The following ZBTB40 variants were observed in gnomAD, a reference collection of about 807,000 sequenced individuals.
ZBTB40 encodes the protein zinc finger and BTB domain containing 40.
Under a neutral mutation model 117.5 loss-of-function variants are expected in ZBTB40, and 60 were observed. The observed-to-expected ratio is 0.51, with a 90% CI of 0.41 to 0.63. The LOEUF is 0.63. Ranked by LOEUF, ZBTB40 falls within the 30% of genes least tolerant of loss-of-function variation. ZBTB40 has a pLI of 0.00. For missense variants in ZBTB40, 1,287 were observed against 1,498.5 expected (o/e 0.86, Z 2.33); for synonymous variants, 525 against 577.1 (o/e 0.91, Z 1.29).
At chr1:22,505,135 G>T (rs1041139819) in intron 5 of ZBTB40, among the ~76,000 whole-genome samples, 5 of 152,014 alleles carry the variant, frequency 3.3e-5, no homozygotes, top group African/African-American at 1.2e-4. Flanking sequence ...GCAGCCTCTG[G>T]CATACTACCA....
At chr1:22,438,889 A>T (rs1238040064) in intron 1 of ZBTB40, among the ~76,000 whole-genome samples, 1 of 151,562 alleles carries the variant, frequency 6.6e-6, no homozygotes, top group Non-Finnish European at 1.5e-5. Context: ...ATTTTTTGAG[A>T]CAGAGTCTTG....
chr1:22,500,288 A>C (rs1341339165), intron 3 of ZBTB40, among the ~76,000 whole-genome samples: 1 of 152,164 alleles, frequency 6.6e-6, no homozygotes, highest in East Asian at 1.9e-4. Context: ...AGTCAAGATG[A>C]TGAGTTTGGT....
intron 1 of ZBTB40, among the ~76,000 whole-genome samples, chr1:22,433,350 G>A (rs765165744): frequency 2.8e-4 from 40 of 141,296 alleles, no homozygotes; most frequent in African/African-American, 9.8e-4. Context: ...GGAGAATGGC[G>A]TGAACCCAGG....
intron 1 of ZBTB40, among the ~76,000 whole-genome samples, chr1:22,431,440 T>C (rs1640588780): frequency 6.8e-6 from 1 of 147,198 alleles, no homozygotes; most frequent in South Asian, 2.1e-4. Context: ...ACGTCCTCAG[T>C]GTAAAGATCT....
At chr1:22,443,880 T>C (rs536144456) in intron 1 of ZBTB40, among the ~76,000 whole-genome samples, 1 of 152,260 alleles carries the variant, frequency 6.6e-6, no homozygotes, top group African/African-American at 2.4e-5. Context: ...ATGTTAATGC[T>C]GATCAGTAGT....
chr1:22,455,801 C>T (rs556628765), intron 1 of ZBTB40, among the ~76,000 whole-genome samples: 2 of 151,936 alleles, frequency 1.3e-5, no homozygotes, highest in South Asian at 4.1e-4. Context: ...GCAACACTCA[C>T]CTGCTTTTGG....
At chr1:22,448,560 A>C (rs1173852390), upstream of ZBTB40, among the ~76,000 whole-genome samples, 1 of 152,138 alleles carries the variant, frequency 6.6e-6, no homozygotes, top group African/African-American at 2.4e-5. Context: ...CTGCAGTCAG[A>C]CCTCCTAGGT....
chr1:22,490,919 G>A (rs1476037909), intron 2 of ZBTB40, among the ~76,000 whole-genome samples: 10 of 152,164 alleles, frequency 6.6e-5, no homozygotes, highest in South Asian at 2.1e-4. Context: ...CTCTCGAGAC[G>A]GAGTCTTGTT....
chr1:22,469,852 A>G (rs1335033849), intron 1 of ZBTB40, among the ~76,000 whole-genome samples: 1 of 152,116 alleles, frequency 6.6e-6, no homozygotes, highest in Non-Finnish European at 1.5e-5. Flanking sequence ...TTATAGTTCT[A>G]GTGGCAGTGG....
chr1:22,438,116 G>C (rs138800761), intron 1 of ZBTB40, among the ~76,000 whole-genome samples: 1 of 152,040 alleles, frequency 6.6e-6, no homozygotes, highest in African/African-American at 2.4e-5. Flanking sequence ...GGCAACAAGA[G>C]TGAAACTCCA....
rs201823800 is a variant in ZBTB40, at chr1:22,512,063, C to T, written c.2390C>T (p.Ala797Val). 9.2e-5 allele frequency: 149 copies of T among 1,613,972 alleles called. No individual in the cohort carries two copies. Among genetic ancestry groups the T allele is most frequent in the Middle Eastern group, 1.7e-4 (1 of 5,930 alleles). The change falls in exon 11 of 18, where the codon GCC becomes GTC. Residue 797 changes from alanine to valine, a missense_variant. This residue lies in a region of ZBTB40 where 870 missense variants were observed against 934.4 expected (regional missense o/e 0.93). Coordinates refer to ENST00000375647, the MANE Select transcript of ZBTB40 (RefSeq NM_014870.4). ...EAHGAGGEPD[A>V]PKKKKKRLPV... is the part of the protein sequence containing the mutation. ...CATGGTGCAGGTGGAGAGCCCGATG[C>T]CCCCAAGAAGAAGAAGAAGAGGCTT...
chr1:22,496,553 G>T (rs190165649), intron 3 of ZBTB40, among the ~76,000 whole-genome samples: 190 of 152,330 alleles, frequency 1.2e-3, no homozygotes, highest in South Asian at 2.3e-3. Context: ...TCCTTTGAGC[G>T]CCTTCTGTGT....
intron 3 of ZBTB40, among the ~76,000 whole-genome samples, chr1:22,500,752 G>A (rs974778055): frequency 1.3e-5 from 2 of 152,172 alleles, no homozygotes; most frequent in African/African-American, 4.8e-5. Flanking sequence ...TCATTCACAC[G>A]GGGTAATTAA....
chr1:22,476,770 T>G (rs1310365705), intron 1 of ZBTB40, among the ~76,000 whole-genome samples: 1 of 152,228 alleles, frequency 6.6e-6, no homozygotes, highest in Non-Finnish European at 1.5e-5. Flanking sequence ...ATCTTTCTGG[T>G]ACTCTTCTGT....
intron 1 of ZBTB40, among the ~76,000 whole-genome samples, chr1:22,477,991 T>G (rs1223298344): frequency 1.3e-5 from 2 of 152,262 alleles, no homozygotes; most frequent in East Asian, 3.8e-4. Flanking sequence ...CTTGTATCCT[T>G]GTACATAAAC....
intron 8 of ZBTB40, 145 bp downstream of exon 8, chr1:22,508,876 A>T: frequency 9.1e-7 from 1 of 1,098,854 alleles, no homozygotes. Context: ...TCAAGGACAC[A>T]AGAGTTTGTA....
chr1:22,504,429 C>T (rs1639025975), intron 5 of ZBTB40, among the ~76,000 whole-genome samples: 1 of 152,102 alleles, frequency 6.6e-6, no homozygotes, highest in African/African-American at 2.4e-5. Context: ...TTAAGTTTTG[C>T]CCTCATAGCA....
chr1:22,528,294 C>A lies in ZBTB40; in HGVS notation c.*1898C>A, dbSNP rs1639736528. On this transcript the variant is annotated 3_prime_UTR_variant, in exon 18 of 18. Transcript: ENST00000375647. ...GCACATGCTTACAGGGCATTGGTGC[C>A]AAGTCCAGTGGATGAGAATCCAGCC... is the stretch of plus-strand genomic sequence containing the variant. 1.3e-5 allele frequency: 2 copies of A among 152,398 alleles called. No homozygotes were observed. The highest frequency in any genetic ancestry group is 1.3e-4 in the Admixed American group (2 of 15,276). 9.4% of individuals were successfully genotyped at this position (152,398 alleles called of 1,614,324 possible).
At chr1:22,518,565 A>G (rs1302462945) in intron 13 of ZBTB40, among the ~76,000 whole-genome samples, 1 of 151,896 alleles carries the variant, frequency 6.6e-6, no homozygotes, top group Admixed American at 6.6e-5. Flanking sequence ...CTTCCCACAC[A>G]CCAGTTTCTA....
Sources: allele counts gnomAD v4.1 joint callset (sites outside exome capture counted in the v4.1 genomes callset), GRCh38; gene constraint gnomAD v4.1.1; regional missense constraint gnomAD v4.1.1; transcripts MANE v1.5; gene names NCBI Gene and HGNC (gene_info 2026-07-23, HGNC 2026-07-21).